CYB5R2: variants seen among roughly 807,000 people sequenced by gnomAD.
CYB5R2 encodes the protein cytochrome b5 reductase 2, also known as NADH-cytochrome b5 reductase 2.
CYB5R2 carries 35 observed loss-of-function variants against 29.8 expected under a neutral mutation model. The observed-to-expected ratio is 1.17, with a 90% CI of 0.90 to 1.56. The LOEUF is 1.56. Ranked by LOEUF, CYB5R2 falls within the 40% of genes most tolerant of loss-of-function variation. The probability of loss-of-function intolerance (pLI) is 0.00; values close to 1 mark genes in which losing one functional copy is unlikely to be tolerated. For synonymous variants in CYB5R2, 169 were observed against 130.6 expected (o/e 1.29, Z -2.01); for missense variants, 419 against 346.7 (o/e 1.21, Z -1.66).
In CYB5R2 at chr11:7,665,253, T is replaced by A. The variant is rs990204802; in HGVS notation, c.*121A>T. The A allele has an allele frequency of 1.2e-6, 1 of 820,532 alleles. No individual in the cohort carries two copies. Among genetic ancestry groups the A allele is most frequent in the African/African-American group, 1.7e-5 (1 of 57,888 alleles). The allele number at this position is 820,532 out of a possible 1,614,324, so 50.8% of individuals were successfully genotyped here. On this transcript the variant is annotated 3_prime_UTR_variant, in exon 9 of 9. Coordinates refer to ENST00000299498, the MANE Select transcript of CYB5R2 (RefSeq NM_016229.5). The stretch of plus-strand genomic sequence containing the variant: ...CCCACACCCAAAAGAGGAGAACCAG[T>A]GTGTGCGCGAAGGTACATGGCAAGG...
At position 7,666,485 on chromosome 11, in the gene CYB5R2, G is replaced by C. The variant is rs771806062; in HGVS notation, c.624C>G (p.Phe208Leu). The C allele has an allele frequency of 6.2e-7, 1 of 1,613,316 alleles. No individual in the cohort carries two copies. The highest frequency in any genetic ancestry group is 1.3e-5 in the African/African-American group (1 of 75,020). Residue 208 changes from phenylalanine to leucine, a missense_variant, in exon 8 of 9, where the codon TTC becomes TTG. By Grantham distance (22) the Phe-to-Leu change is conservative. Coordinates refer to ENST00000299498, the MANE Select transcript of CYB5R2 (RefSeq NM_016229.5). Reference protein sequence around the residue: ...EEIARTHPDQFNLWYTLDRPP... With the variant: ...EEIARTHPDQLNLWYTLDRPP... ...GCCTGTCCAGGGTGTACCACAGGTT[G>C]AACTGGTCTGGGTGAGTCCTGGCAA...
chr11:7,665,686 C>A, intron 8 of CYB5R2, 140 bp from the exon 9 acceptor site: 1 of 1,139,816 alleles, frequency 8.8e-7, no homozygotes, highest in Admixed American at 2.7e-5. Flanking sequence ...ACTACTGCTC[C>A]CTGCAAAAAG....
upstream of CYB5R2, chr11:7,674,179 A>G: frequency 8.0e-7 from 1 of 1,246,262 alleles, no homozygotes. Context: ...GGGAAGGAAG[A>G]ATTCAGGCAG....
intron 5 of CYB5R2, 100 bp downstream of exon 5, chr11:7,669,104 CA>C: frequency 7.0e-7 from 1 of 1,428,176 alleles, no homozygotes; most frequent in South Asian, 1.2e-5. Context: ...AGACTAAGGA[CA>C]ACCCCATGTG....
chr11:7,666,682 C>A (rs72851388), intron 7 of CYB5R2, 132 bp from the exon 8 acceptor site: 2 of 591,546 alleles, frequency 3.4e-6, no homozygotes, highest in African/African-American at 3.8e-5. Context: ...CCAACTCCCA[C>A]GGCAAACAAG....
intron 8 of CYB5R2, chr11:7,666,217 C>T (rs201410844): frequency 1.7e-6 from 1 of 593,030 alleles, no homozygotes; most frequent in Non-Finnish European, 3.0e-6. Flanking sequence ...TTCAGTGCAG[C>T]GTGAGGTGCT....
At position 7,669,270 on chromosome 11, in the gene CYB5R2, T is replaced by C. The variant is rs910996309; in HGVS notation, c.323A>G (p.Asn108Ser). The change falls in exon 5 of 9, where the codon AAC becomes AGC. Residue 108 changes from asparagine to serine, a missense_variant. By Grantham distance (46) the Asn-to-Ser change is conservative. Coordinates refer to ENST00000299498, the MANE Select transcript of CYB5R2 (RefSeq NM_016229.5). ...AAAGATGGTCTCCCCGATTTTCATG[T>C]TCTCCAAATACTGAGTCATCTTCCC... The part of the protein sequence containing the change: ...EGGKMTQYLE[N>S]MKIGETIFFR... 49 of 1,614,020 alleles carry C rather than the reference T, an allele frequency of 3.0e-5. No homozygotes were observed. The highest frequency in any genetic ancestry group is 4.1e-5 in the Non-Finnish European group (48 of 1,179,998).
chr11:7,666,592 C>A (rs1328083929), intron 7 of CYB5R2, 42 bp from the exon 8 acceptor site: 4 of 1,415,822 alleles, frequency 2.8e-6, no homozygotes, highest in Non-Finnish European at 4.0e-6. Flanking sequence ...CCAGGGCCAT[C>A]CTCTTGTTCC....
chr11:7,665,718 C>G, intron 8 of CYB5R2, 172 bp from the exon 9 acceptor site: 1 of 1,167,182 alleles, frequency 8.6e-7, no homozygotes. Flanking sequence ...GTAAACAGCC[C>G]TCTGCAGCAA....
Position 7,666,539 on chromosome 11 carries a change from ATCC to A in CYB5R2, c.567_569del (p.Glu189del), listed in dbSNP as rs749028079. On this transcript the variant is annotated inframe_deletion, in exon 8 of 9. Coordinates refer to ENST00000299498, the MANE Select transcript of CYB5R2 (RefSeq NM_016229.5). ...CTTCAAGCTCTTTTCTGACCAAGAT[ATCC>A]TCCTCTGTCTAGAAAAGAAGCAACA... 2.5e-6 allele frequency: 4 copies of A among 1,612,994 alleles called. No homozygotes were observed. The South Asian group carries it at 3.3e-5, about 13-fold the overall frequency.
chr11:7,672,935 C>T, intron 1 of CYB5R2, 44 bp from the exon 2 acceptor site: 1 of 1,571,230 alleles, frequency 6.4e-7, no homozygotes, highest in Non-Finnish European at 8.6e-7. Flanking sequence ...TCTTGCCCGC[C>T]CTGGACAGGG....
intron 1 of CYB5R2, 103 bp downstream of exon 1, chr11:7,673,316 G>C: frequency 1.0e-6 from 1 of 989,496 alleles, no homozygotes. Context: ...GGTGCCCCGT[G>C]ACTTAGGGCC....
chr11:7,669,659 TCAC>T lies in CYB5R2; in HGVS notation c.221_223del (p.Ser74_Asp75delinsAsn), dbSNP rs749761314. The T allele has an allele frequency of 1.4e-5, 22 of 1,611,836 alleles. No individual in the cohort carries two copies. The African/African-American group carries it at 2.3e-4, about 17-fold the overall frequency. ...TAGGTCCACAAAGCCTCTGTCATCA[TCAC>T]TGGAGACAGGGGTGTAAGCCCTGAC... On this transcript the variant is annotated inframe_deletion, in exon 4 of 9. Transcript: ENST00000299498.
At position 7,668,498 on chromosome 11, in the gene CYB5R2, C is replaced by G; in HGVS notation, c.452G>C (p.Gly151Ala). 1 of 1,614,082 alleles carries G rather than the reference C, an allele frequency of 6.2e-7. No individual in the cohort carries two copies. The highest frequency in any genetic ancestry group is 8.5e-7 in the Non-Finnish European group (1 of 1,179,948). ...EPKKTLADHL[G>A]MIAGGTGITP... ...CTTACCTGTGCCCCCAGCAATCATT[C>G]CCAGGTGATCGGCCAGTGTTTTTTT... is the stretch of plus-strand genomic sequence containing the variant. Residue 151 changes from glycine (G) to alanine (A), a missense_variant, in exon 6 of 9, where the codon GGA becomes GCA. Coordinates refer to ENST00000299498, the MANE Select transcript of CYB5R2 (RefSeq NM_016229.5).
At position 7,673,456 on chromosome 11, in the gene CYB5R2, C is replaced by G; in HGVS notation, c.-104G>C. The G allele has an allele frequency of 4.1e-6, 4 of 986,242 alleles. No homozygotes were observed. The South Asian group carries it at 1.4e-4, about 35-fold the overall frequency. The allele number at this position is 986,242 out of a possible 1,614,324, so 61.1% of individuals were successfully genotyped here. On this transcript the variant is annotated 5_prime_UTR_variant, in exon 1 of 9. Transcript: ENST00000299498. ...CCCTGCTCCTCTCCCAACTCAAGCC[C>G]GACAGGGAAAGTTGCCTCTCCTCCC...
At chr11:7,673,915 C>A (rs1411482173), upstream of CYB5R2, 5 of 1,000,566 alleles carry the variant, frequency 5.0e-6, no homozygotes, top group Non-Finnish European at 6.0e-6. Flanking sequence ...CTGGCCCGCT[C>A]CCCGAGAAGG....
intron 3 of CYB5R2, chr11:7,672,130 G>C (rs1050312808): frequency 5.3e-5 from 17 of 322,080 alleles, no homozygotes; most frequent in Non-Finnish European, 8.0e-5. Context: ...CATAGACTGA[G>C]GCTCAGAGAG....
At chr11:7,668,758 C>T (rs1855526486) in intron 5 of CYB5R2, 197 bp from the exon 6 acceptor site, 1 of 621,712 alleles carries the variant, frequency 1.6e-6, no homozygotes, top group Admixed American at 2.7e-5. Context: ...GGAATAGAGC[C>T]TGGGCTTGGT....
chr11:7,671,432 G>T (rs1565156122), intron 3 of CYB5R2: 1 of 152,298 alleles, frequency 6.6e-6, no homozygotes, highest in Non-Finnish European at 1.5e-5. Flanking sequence ...CCAAGGCTGA[G>T]GAGATAGTGG....
Sources: allele counts gnomAD v4.1 joint callset, GRCh38; gene constraint gnomAD v4.1.1; transcripts MANE v1.5; gene names NCBI Gene and HGNC (gene_info 2026-07-23, HGNC 2026-07-21).